IL1RAPL1: variants seen among roughly 807,000 people sequenced by gnomAD.
IL1RAPL1 encodes interleukin-1 receptor accessory protein-like 1.
IL1RAPL1 carries 3 observed loss-of-function variants against 48.4 expected under a neutral mutation model. The ratio of observed to expected loss-of-function variants is 0.06; its 90% confidence interval spans 0.03 to 0.16. The LOEUF is 0.16. Among genes scored for constraint, IL1RAPL1 ranks in the 10% least tolerant of loss-of-function variants. The pLI, the probability that IL1RAPL1 is intolerant of heterozygous loss-of-function variation, is 1.00. For missense variants in IL1RAPL1, 349 were observed against 530.6 expected (o/e 0.66, Z 3.36); for synonymous variants, 185 against 187.7 (o/e 0.99, Z 0.12).
chrX:28,686,984 G>A (rs1935117984), intron 1 of IL1RAPL1, among the ~76,000 whole-genome samples: 1 of 111,850 alleles, frequency 8.9e-6, no homozygotes, highest in Admixed American at 9.5e-5. Context: ...TTTTGGAATG[G>A]ATTTTTAGAG....
intron 6 of IL1RAPL1, among the ~76,000 whole-genome samples, chrX:29,904,171 G>C (rs761246964): frequency 9.0e-6 from 1 of 111,113 alleles, no homozygotes; most frequent in South Asian, 3.8e-4. Context: ...GAGTTTTTTC[G>C]ATATCTAAAT....
At chrX:29,913,407 T>C (rs375412989) in intron 6 of IL1RAPL1, among the ~76,000 whole-genome samples, 816 of 71,036 alleles carry the variant, frequency 0.011, 6 homozygotes, top group African/African-American at 0.033. Context: ...CACACACACA[T>C]ATATACACAT....
chrX:29,365,499 C>A (rs920952271), intron 3 of IL1RAPL1, among the ~76,000 whole-genome samples: 5 of 110,242 alleles, frequency 4.5e-5, no homozygotes, highest in African/African-American at 1.7e-4. Context: ...AGTTTGAGAC[C>A]AGCCTGGCCA....
intron 1 of IL1RAPL1, among the ~76,000 whole-genome samples, chrX:28,704,845 A>C (rs897939429): frequency 9.4e-6 from 1 of 106,364 alleles, no homozygotes; most frequent in Admixed American, 1.0e-4. Flanking sequence ...AAAAAAAAAA[A>C]AAAACTGTGA....
intron 2 of IL1RAPL1, among the ~76,000 whole-genome samples, chrX:29,206,497 G>A (rs1165683198): frequency 9.0e-6 from 1 of 111,239 alleles, no homozygotes; most frequent in African/African-American, 3.3e-5. Flanking sequence ...TAATCTTGGG[G>A]TCAGAGAAAC....
At chrX:29,578,010 C>T (rs1347761143) in intron 5 of IL1RAPL1, among the ~76,000 whole-genome samples, 2 of 111,703 alleles carry the variant, frequency 1.8e-5, no homozygotes, top group African/African-American at 6.5e-5. Flanking sequence ...GGGATGGAGC[C>T]CAGGTATCAG....
chrX:28,948,256 T>C (rs974754036), intron 2 of IL1RAPL1, among the ~76,000 whole-genome samples: 8 of 111,889 alleles, frequency 7.1e-5, no homozygotes, highest in African/African-American at 2.6e-4. Flanking sequence ...ACTTTCTTCA[T>C]TTAATTCTTC....
At chrX:29,046,787 A>T (rs956659921) in intron 2 of IL1RAPL1, among the ~76,000 whole-genome samples, 1 of 112,099 alleles carries the variant, frequency 8.9e-6, no homozygotes, top group Admixed American at 9.5e-5. Context: ...TTGTCCTAAA[A>T]TGGAGGAAAA....
At chrX:29,410,315 G>C (rs1934127389) in intron 5 of IL1RAPL1, among the ~76,000 whole-genome samples, 1 of 109,646 alleles carries the variant, frequency 9.1e-6, no homozygotes, top group Admixed American at 9.8e-5. Context: ...ACAAAAATTA[G>C]CTGGGTGTGG....
chrX:28,736,766 G>C (rs998626509), intron 1 of IL1RAPL1, among the ~76,000 whole-genome samples: 4 of 111,920 alleles, frequency 3.6e-5, no homozygotes, highest in Non-Finnish European at 5.6e-5. Context: ...TTAACACTAG[G>C]AGACTGCAGG....
chrX:29,625,532 A>G (rs1023021929), intron 5 of IL1RAPL1, among the ~76,000 whole-genome samples: 3 of 111,747 alleles, frequency 2.7e-5, no homozygotes, highest in Non-Finnish European at 5.6e-5. Context: ...TTTGGTCTTG[A>G]TTTAGCTAAG....
At chrX:29,087,134 ATTTTTT>A (rs34132994) in intron 2 of IL1RAPL1, among the ~76,000 whole-genome samples, 1 of 84,699 alleles carries the variant, frequency 1.2e-5, no homozygotes, top group African/African-American at 5.0e-5. Context: ...TTATTTAAAA[ATTTTTT>A]TTTTTTTTTT....
rs60391165 is a variant in IL1RAPL1, at chrX:29,807,621, CAAAAAAAAAA to C, written c.779-109824_779-109815del. ...CAGAGCAAGACTCTGTCTCTCAAGA[CAAAAAAAAAA>C]AAAAAAAAAAAAAAAAAATGAAAGG... On this transcript the variant is annotated intron_variant, in intron 6 of 10. Transcript: ENST00000378993. Among the ~76,000 whole-genome samples the C allele has an allele frequency of 3.5e-3, 90 of 26,017 alleles. 2 individuals are homozygous for C. The highest frequency in any genetic ancestry group is 0.1 in the Middle Eastern group (1 of 10). 22.6% of individuals were successfully genotyped at this position (26,017 alleles called of 115,157 possible).
chrX:28,616,770 A>G (rs1358550310), intron 1 of IL1RAPL1, among the ~76,000 whole-genome samples: 1 of 112,311 alleles, frequency 8.9e-6, no homozygotes, highest in African/African-American at 3.2e-5. Context: ...GGTATTTTTC[A>G]TAATCCCTTA....
rs189877327 is a variant in IL1RAPL1, at chrX:29,677,831, G to A, written c.778+9327G>A. 4.5e-5 allele frequency among the ~76,000 whole-genome samples: 5 copies of A among 112,254 alleles called. No individual in the cohort carries two copies. In the East Asian group the frequency reaches 8.4e-4, roughly 19 times the overall value. On this transcript the variant is annotated intron_variant, in intron 6 of 10. Transcript: ENST00000378993. ...AAAATATATTTTGTAGGGTAGAATA[G>A]TTAAGTAACCAGAATATCTCATGTC...
chrX:28,617,410 C>T (rs972955452), intron 1 of IL1RAPL1, among the ~76,000 whole-genome samples: 1 of 111,690 alleles, frequency 9.0e-6, no homozygotes, highest in Non-Finnish European at 1.9e-5. Context: ...TATTTTTATT[C>T]TTGAAATATT....
intron 6 of IL1RAPL1, among the ~76,000 whole-genome samples, chrX:29,684,510 G>A (rs1278631442): frequency 1.0e-5 from 1 of 95,609 alleles, no homozygotes; most frequent in Non-Finnish European, 2.1e-5. Context: ...CGGTTTCTCA[G>A]GTTTTTGGTT....
chrX:28,786,402 T>A (rs1330302087), intron 1 of IL1RAPL1, among the ~76,000 whole-genome samples: 1 of 110,680 alleles, frequency 9.0e-6, no homozygotes, highest in African/African-American at 3.3e-5. Flanking sequence ...GAGGCAGCGG[T>A]TGCAGTGAGC....
intron 2 of IL1RAPL1, among the ~76,000 whole-genome samples, chrX:29,033,271 A>G (rs1246327393): frequency 1.8e-5 from 2 of 111,710 alleles, no homozygotes; most frequent in African/African-American, 6.5e-5. Flanking sequence ...AACCAAATAC[A>G]ATAAATATTT....
Sources: allele counts gnomAD v4.1 joint callset (sites outside exome capture counted in the v4.1 genomes callset), GRCh38; gene constraint gnomAD v4.1.1; transcripts MANE v1.5; gene names NCBI Gene and HGNC (gene_info 2026-07-23, HGNC 2026-07-21).